The following TBL1XR1 variants were observed in gnomAD, a reference collection of about 807,000 sequenced individuals.
TBL1XR1 encodes TBL1X/Y related 1.
Under a neutral mutation model 66.9 loss-of-function variants are expected in TBL1XR1, and 5 were observed. That is an observed-to-expected ratio of 0.07 (90% CI 0.04 to 0.16). The LOEUF is 0.16. Ranked by LOEUF, TBL1XR1 falls within the 10% of genes least tolerant of loss-of-function variation. The probability of loss-of-function intolerance (pLI) is 1.00; values close to 1 mark genes in which losing one functional copy is unlikely to be tolerated. For synonymous variants in TBL1XR1, 210 were observed against 206.0 expected (o/e 1.02, Z -0.17); for missense variants, 238 against 623.2 (o/e 0.38, Z 6.58).
chr3:177,147,643 C>A (rs926972534), intron 1 of TBL1XR1, among the ~76,000 whole-genome samples: 2 of 152,176 alleles, frequency 1.3e-5, no homozygotes, highest in African/African-American at 4.8e-5. Context: ...TAGTCTTTAT[C>A]TGGCCCATTT....
chr3:177,137,414 T>G (rs1729129378), intron 1 of TBL1XR1, among the ~76,000 whole-genome samples: 1 of 152,146 alleles, frequency 6.6e-6, no homozygotes, highest in African/African-American at 2.4e-5. Flanking sequence ...ATCAACTGAT[T>G]AAGCCCATGA....
At chr3:177,171,050 C>G (rs1733400919) in intron 1 of TBL1XR1, among the ~76,000 whole-genome samples, 1 of 152,048 alleles carries the variant, frequency 6.6e-6, no homozygotes. Context: ...AATACTGATA[C>G]CTTATAAAAT....
chr3:177,085,132 G>A (rs1431124563), intron 2 of TBL1XR1, among the ~76,000 whole-genome samples: 2 of 152,204 alleles, frequency 1.3e-5, no homozygotes, highest in Non-Finnish European at 2.9e-5. Flanking sequence ...CCCTAAGAGA[G>A]AGCTGAAGTG....
intron 1 of TBL1XR1, among the ~76,000 whole-genome samples, chr3:177,150,326 T>G (rs1014780850): frequency 9.9e-5 from 15 of 152,174 alleles, no homozygotes; most frequent in Non-Finnish European, 1.8e-4. Flanking sequence ...AAGTTGATAT[T>G]TGAACAGAGT....
chr3:177,071,514 T>C (rs770794021), intron 2 of TBL1XR1, among the ~76,000 whole-genome samples: 5 of 152,124 alleles, frequency 3.3e-5, no homozygotes, highest in Non-Finnish European at 5.9e-5. Flanking sequence ...GTCAATTCTC[T>C]GGAAGGGCTA....
At chr3:177,062,989 C>G (rs966242751) in intron 3 of TBL1XR1, among the ~76,000 whole-genome samples, 5 of 151,924 alleles carry the variant, frequency 3.3e-5, no homozygotes, top group African/African-American at 4.8e-5. Context: ...ACAAAATTAG[C>G]CAGGCATGGT....
chr3:177,156,308 G>A (rs907926231), intron 1 of TBL1XR1, among the ~76,000 whole-genome samples: 5 of 151,416 alleles, frequency 3.3e-5, no homozygotes, highest in African/African-American at 1.2e-4. Context: ...GACCAGCCTG[G>A]CCAACATGGC....
At chr3:177,054,605 T>C (rs1717566849) in intron 3 of TBL1XR1, among the ~76,000 whole-genome samples, 1 of 152,210 alleles carries the variant, frequency 6.6e-6, no homozygotes, top group African/African-American at 2.4e-5. Flanking sequence ...ATAAATTCAG[T>C]ATTTTGGAGC....
chr3:177,056,722 A>G (rs541965603), intron 3 of TBL1XR1, among the ~76,000 whole-genome samples: 10 of 151,404 alleles, frequency 6.6e-5, no homozygotes, highest in Middle Eastern at 3.4e-3. Flanking sequence ...ATTTCACTAC[A>G]CCTGAAAGTC....
At chr3:177,161,460 C>T (rs997212455) in intron 1 of TBL1XR1, among the ~76,000 whole-genome samples, 1 of 152,094 alleles carries the variant, frequency 6.6e-6, no homozygotes, top group Non-Finnish European at 1.5e-5. Context: ...ATTCTGAACT[C>T]AGCACTAATA....
Position 177,175,765 on chromosome 3 carries a change from A to G in TBL1XR1, c.-122+21356T>C, listed in dbSNP as rs547148926. ...GGTGACCTAATGAAGCATTAAAATAATAAGTTATTCAGGCCAGGCGCGGTG... is the reference window on the plus strand; with the variant it reads ...GGTGACCTAATGAAGCATTAAAATAGTAAGTTATTCAGGCCAGGCGCGGTG... On this transcript the variant is annotated intron_variant, in intron 1 of 15. Coordinates refer to ENST00000457928, the MANE Select transcript of TBL1XR1 (RefSeq NM_024665.7). Among the ~76,000 whole-genome samples the G allele has an allele frequency of 7.2e-5, 11 of 152,292 alleles. No homozygotes were observed. The South Asian group carries it at 1.7e-3, about 23-fold the overall frequency.
chr3:177,192,522 A>G (rs1736291936), intron 1 of TBL1XR1, among the ~76,000 whole-genome samples: 1 of 151,908 alleles, frequency 6.6e-6, no homozygotes, highest in Non-Finnish European at 1.5e-5. Context: ...CCACCACCGT[A>G]CCTACACCAA....
intron 1 of TBL1XR1, among the ~76,000 whole-genome samples, chr3:177,192,008 G>A (rs1559972013): frequency 6.6e-6 from 1 of 151,016 alleles, no homozygotes; most frequent in Non-Finnish European, 1.5e-5. Flanking sequence ...TAGGGGAATC[G>A]CTTGAACCCG....
intron 1 of TBL1XR1, among the ~76,000 whole-genome samples, chr3:177,178,803 C>A (rs1734455022): frequency 6.6e-6 from 1 of 152,052 alleles, no homozygotes; most frequent in South Asian, 2.1e-4. Flanking sequence ...CATGGAACTG[C>A]TGTGGTTTCT....
chr3:177,200,672 A>AT (rs1423620537), upstream of TBL1XR1, among the ~76,000 whole-genome samples: 5 of 152,210 alleles, frequency 3.3e-5, no homozygotes, highest in African/African-American at 1.2e-4. Context: ...TAGAAAGGAG[A>AT]TATTACTGTA....
At chr3:177,055,022 TAAAC>T (rs934381857) in intron 3 of TBL1XR1, among the ~76,000 whole-genome samples, 1 of 152,242 alleles carries the variant, frequency 6.6e-6, no homozygotes, top group Non-Finnish European at 1.5e-5. Context: ...TGAAGTATTT[TAAAC>T]AATTCAATTA....
chr3:177,116,241 T>C (rs751964209), intron 1 of TBL1XR1, among the ~76,000 whole-genome samples: 1 of 152,164 alleles, frequency 6.6e-6, no homozygotes, highest in Non-Finnish European at 1.5e-5. Context: ...TTTCTATGTA[T>C]AAATTTAATT....
chr3:177,040,829 T>C (rs1469705052), intron 10 of TBL1XR1, among the ~76,000 whole-genome samples: 2 of 151,932 alleles, frequency 1.3e-5, no homozygotes, highest in African/African-American at 4.8e-5. Context: ...AAACTAGGTA[T>C]CAGGACACCA....
chr3:177,153,061 G>C (rs535724330), intron 1 of TBL1XR1, among the ~76,000 whole-genome samples: 1 of 152,104 alleles, frequency 6.6e-6, no homozygotes, highest in Non-Finnish European at 1.5e-5. Flanking sequence ...GAATCGCCCG[G>C]GAAGTGGAGG....
Sources: gnomAD v4.1 joint callset for allele counts (sites outside exome capture counted in the v4.1 genomes callset) on GRCh38, gnomAD v4.1.1 for gene constraint, MANE v1.5 for transcripts, NCBI Gene and HGNC (gene_info 2026-07-23, HGNC 2026-07-21) for gene names.